The following TMEM259 variants were observed in gnomAD, a reference collection of about 807,000 sequenced individuals.
TMEM259 encodes the protein transmembrane protein 259, also known as membralin.
Under a neutral mutation model 46.7 loss-of-function variants are expected in TMEM259, and 26 were observed. The ratio of observed to expected loss-of-function variants is 0.56; its 90% CI spans 0.41 to 0.77. The LOEUF (loss-of-function observed/expected upper bound fraction) is 0.77. TMEM259 is among the 30% of genes least tolerant of loss of function. The probability of loss-of-function intolerance (pLI) is 0.00; values close to 1 mark genes in which losing one functional copy is unlikely to be tolerated. For missense variants in TMEM259, 930 were observed against 900.5 expected (o/e 1.03, Z -0.42); for synonymous variants, 494 against 395.1 (o/e 1.25, Z -2.97).
rs1303083487 is a variant in TMEM259 at position 1,012,651 on chromosome 19, T to C, written c.608-78A>G. The C allele has an allele frequency of 2.6e-6, 4 of 1,513,038 alleles. No individual in the cohort carries two copies. The Admixed American group carries it at 8.1e-5, about 31-fold the overall frequency. The allele number at this position is 1,513,038 out of a possible 1,614,324, so 93.7% of individuals were successfully genotyped here. ...CACTGCCAGCAGGCAAGGCAGGCGT[T>C]GAGGGGTGGAGGGTGAGACCTGCTG... On this transcript the variant is annotated intron_variant, in intron 3 of 10. Transcript: ENST00000356663.
chr19:1,009,734 G>A lies in TMEM259; in HGVS notation c.*616C>T, dbSNP rs1396358946. The A allele has an allele frequency of 6.1e-6, 5 of 818,550 alleles. No individual in the cohort carries two copies. Among genetic ancestry groups the A allele is most frequent in the Admixed American group, 4.3e-5 (1 of 23,314 alleles). 50.7% of individuals were successfully genotyped at this position (818,550 alleles called of 1,614,324 possible). The stretch of plus-strand genomic sequence containing the variant: ...AATAGAATGGAATGAGCGCTCCTCC[G>A]CATTCCTCCCCGAGTGACTGGTTTG... On this transcript the variant is annotated 3_prime_UTR_variant, in exon 11 of 11. Transcript: ENST00000356663.
chr19:1,016,884 A>G (rs1440166787), intron 1 of TMEM259, among the ~76,000 whole-genome samples: 1 of 152,164 alleles, frequency 6.6e-6, no homozygotes, highest in East Asian at 1.9e-4. Context: ...ATGAGAGGGC[A>G]CCAGTGTTTT....
At position 1,010,163 on chromosome 19, in the gene TMEM259, G is replaced by A. The variant is rs1216759413; in HGVS notation, c.*187C>T. ...TCAAACACCTCACTAGCGGGTACAAGCCTCGGGCGCGACCTCACACCAGGG... is the reference window on the plus strand; with the variant it reads ...TCAAACACCTCACTAGCGGGTACAAACCTCGGGCGCGACCTCACACCAGGG... On this transcript the variant is annotated 3_prime_UTR_variant, in exon 11 of 11. Transcript: ENST00000356663. 1.2e-5 allele frequency: 7 copies of A among 569,250 alleles called. No homozygotes were observed. Among genetic ancestry groups the A allele is most frequent in the South Asian group, 5.2e-5 (2 of 38,274 alleles). 35.3% of individuals were successfully genotyped at this position (569,250 alleles called of 1,614,324 possible). A position where few individuals can be genotyped will look rare whatever the true frequency, so the allele number is the denominator to read the frequency against.
chr19:1,012,827 G>A lies in TMEM259; in HGVS notation c.608-254C>T, dbSNP rs564919023. Among the ~76,000 whole-genome samples, 641 of 152,304 alleles carry A rather than the reference G, an allele frequency of 4.2e-3. 5 individuals are homozygous for A. The highest frequency in any genetic ancestry group is 0.015 in the African/African-American group (617 of 41,570). Reference sequence around the variant, plus strand: ...TCTCCCTGGCTGGGGCTGGCTGGGTGCAGGGCTGCCCCACTGCCCTGGCGG... The same window carrying A: ...TCTCCCTGGCTGGGGCTGGCTGGGTACAGGGCTGCCCCACTGCCCTGGCGG... On this transcript the variant is annotated intron_variant, in intron 3 of 10. Coordinates refer to ENST00000356663, the MANE Select transcript of TMEM259 (RefSeq NM_001033026.2).
chr19:1,015,296 C>A (rs2039071567), intron 1 of TMEM259, among the ~76,000 whole-genome samples: 1 of 152,306 alleles, frequency 6.6e-6, no homozygotes, highest in East Asian at 1.9e-4. Context: ...CTTGGGACAT[C>A]TGTGGTTGTC....
chr19:1,017,712 C>T (rs1295843426), intron 1 of TMEM259, among the ~76,000 whole-genome samples: 1 of 152,188 alleles, frequency 6.6e-6, no homozygotes, highest in African/African-American at 2.4e-5. Context: ...TGTCTCCCCA[C>T]AGACCTGGAG....
intron 1 of TMEM259, chr19:1,017,221 A>G (rs899163623): frequency 2.5e-6 from 1 of 399,956 alleles, no homozygotes; most frequent in Non-Finnish European, 4.4e-6. Context: ...CCCGGCCCTG[A>G]GCCACACGCC....
intron 4 of TMEM259, 81 bp downstream of exon 4, chr19:1,012,380 CGT>C (rs1568402358): frequency 6.6e-7 from 1 of 1,515,464 alleles, no homozygotes; most frequent in South Asian, 1.3e-5. Flanking sequence ...CACAGCCCCC[CGT>C]CCCGCACCAG....
In TMEM259 at chr19:1,012,197, G is replaced by A; in HGVS notation, c.719-9C>T. On this transcript the variant is annotated splice_polypyrimidine_tract_variant and intron_variant, in intron 4 of 10. Transcript: ENST00000356663. ...CTGGTCCCGCGTGGGGTCTGCGGGT[G>A]GGTGAATCAGGGAGCCGGGAGCCCC... The A allele has an allele frequency of 6.3e-7, 1 of 1,593,350 alleles. No homozygotes were observed. Among genetic ancestry groups the A allele is most frequent in the Non-Finnish European group, 8.5e-7 (1 of 1,171,140 alleles).
rs1198823882 is a variant in TMEM259 at position 1,010,743 on chromosome 19, A to G, written c.1470T>C (p.Ala490=). The part of the protein sequence containing the change: ...DDMNNNSGAP[A]TAPDSAGQPP... ...GCTGGCCGGCAGAGTCAGGGGCTGT[A>G]GCCGGGGCGCCCGAGTTGTTGTTCA... The change falls in exon 11 of 11, where the codon GCT becomes GCC. Residue 490 remains alanine (A), a synonymous_variant. Coordinates refer to ENST00000356663, the MANE Select transcript of TMEM259 (RefSeq NM_001033026.2). 3 of 1,533,458 alleles carry G rather than the reference A, an allele frequency of 2.0e-6. No individual in the cohort carries two copies. Among genetic ancestry groups the G allele is most frequent in the East Asian group, 2.4e-5 (1 of 40,938 alleles). The allele number at this position is 1,533,458 out of a possible 1,614,324, so 95.0% of individuals were successfully genotyped here. A position where few individuals can be genotyped will look rare whatever the true frequency, so the allele number is the denominator to read the frequency against.
Position 1,020,998 on chromosome 19 carries a change from C to T in TMEM259, c.-2G>A, listed in dbSNP as rs2039277576. 1.5e-6 allele frequency: 2 copies of T among 1,358,704 alleles called. No individual in the cohort carries two copies. The allele number at this position is 1,358,704 out of a possible 1,614,324, so 84.2% of individuals were successfully genotyped here. On this transcript the variant is annotated 5_prime_UTR_variant, in exon 1 of 11. Coordinates refer to ENST00000356663, the MANE Select transcript of TMEM259 (RefSeq NM_001033026.2). The surrounding 1 kb of genome is among the most constrained non-coding windows in gnomAD (Gnocchi z 4.0). ...TGCGGGCTCCACGTGCTCCGACATGCCTCCCAGCGTCGCGCCCTAACGACC... is the reference window on the plus strand; with the variant it reads ...TGCGGGCTCCACGTGCTCCGACATGTCTCCCAGCGTCGCGCCCTAACGACC...
At chr19:1,016,205 C>T (rs2240165) in intron 1 of TMEM259, among the ~76,000 whole-genome samples, 56,313 of 151,230 alleles carry the variant, frequency 0.37, 10,438 homozygotes, top group Middle Eastern at 0.49. Flanking sequence ...GAGGGGTGGG[C>T]GGGGGGAGGG....
intron 4 of TMEM259, 125 bp from the exon 5 acceptor site, chr19:1,012,313 C>T: frequency 6.7e-7 from 1 of 1,501,040 alleles, no homozygotes; most frequent in Non-Finnish European, 8.9e-7. Context: ...GGAAACCCAT[C>T]CAGGACCCCA....
At chr19:1,018,987 CAA>C (rs758741226) in intron 1 of TMEM259, among the ~76,000 whole-genome samples, 132 of 115,892 alleles carry the variant, frequency 1.1e-3, no homozygotes, top group African/African-American at 1.3e-3. Flanking sequence ...GACTCCATCT[CAA>C]AAAAAAAAAA....
Position 1,020,848 on chromosome 19 carries a change from A to G in TMEM259, c.149T>C (p.Phe50Ser). 7.3e-7 allele frequency: 1 copy of G among 1,378,438 alleles called. No homozygotes were observed. Among genetic ancestry groups the G allele is most frequent in the Non-Finnish European group, 9.4e-7 (1 of 1,059,356 alleles). The allele number at this position is 1,378,438 out of a possible 1,614,324, so 85.4% of individuals were successfully genotyped here. A position where few individuals can be genotyped will look rare whatever the true frequency, so the allele number is the denominator to read the frequency against. ...VRDRLFHALFFKMAVTYSRLF... is the reference protein window; with the variant it reads ...VRDRLFHALFSKMAVTYSRLF... The stretch of plus-strand genomic sequence containing the variant: ...CCGCGAATAGGTGACAGCCATCTTG[A>G]AGAACAGCGCGTGGAAGAGCCGGTC... Residue 50 changes from phenylalanine to serine, a missense_variant, in exon 1 of 11, where the codon TTC becomes TCC. Physicochemically the swap from Phe to Ser is radical, Grantham distance 155. Coordinates refer to ENST00000356663, the MANE Select transcript of TMEM259 (RefSeq NM_001033026.2). The surrounding 1 kb of genome is among the most constrained non-coding windows in gnomAD (Gnocchi z 4.0).
Position 1,011,610 on chromosome 19 carries a change from G to A in TMEM259, c.1054C>T (p.Pro352Ser). 1 of 1,545,892 alleles carries A rather than the reference G, an allele frequency of 6.5e-7. No individual in the cohort carries two copies. Among genetic ancestry groups the A allele is most frequent in the Non-Finnish European group, 8.7e-7 (1 of 1,145,618 alleles). ...AGGGCCAGGATGACGGTCAGCAGGG[G>A]CGCTGCGGGGAAGGCGATGGCCATG... ...MNMAIAFPAA[P>S]LLTVILALVG... Residue 352 changes from proline (P) to serine (S), a missense_variant, in exon 8 of 11, where the codon CCC becomes TCC. Physicochemically the swap from Pro to Ser is moderately conservative, Grantham distance 74. Transcript: ENST00000356663.
At chr19:1,019,169 G>A (rs544568777) in intron 1 of TMEM259, among the ~76,000 whole-genome samples, 127 of 152,276 alleles carry the variant, frequency 8.3e-4, no homozygotes, top group African/African-American at 2.9e-3. Flanking sequence ...GCCTGGAGAT[G>A]GAGCCGGGTA....
intron 1 of TMEM259, among the ~76,000 whole-genome samples, chr19:1,018,501 G>A (rs182386551): frequency 6.6e-6 from 1 of 152,330 alleles, no homozygotes; most frequent in Admixed American, 6.5e-5. Flanking sequence ...TCATACCAGG[G>A]AGGACCTGGC....
intron 1 of TMEM259, among the ~76,000 whole-genome samples, chr19:1,018,540 G>A (rs2145612043): frequency 6.6e-6 from 1 of 152,326 alleles, no homozygotes. Flanking sequence ...CGGAAGCCAG[G>A]CAGGCAGGAA....
Sources: allele counts gnomAD v4.1 joint callset (sites outside exome capture counted in the v4.1 genomes callset), GRCh38; gene constraint gnomAD v4.1.1; non-coding constraint Gnocchi (gnomAD v3.1); transcripts MANE v1.5; gene names NCBI Gene and HGNC (gene_info 2026-07-23, HGNC 2026-07-21).